PPARGC1B: variants seen among roughly 807,000 people sequenced by gnomAD.
PPARGC1B encodes the protein PPARG coactivator 1 beta, also known as peroxisome proliferator-activated receptor gamma coactivator 1-beta.
PPARGC1B carries 34 observed loss-of-function variants against 101.6 expected under a neutral mutation model. The ratio of observed to expected loss-of-function variants is 0.33; its 90% CI spans 0.25 to 0.45. PPARGC1B has a LOEUF of 0.45. PPARGC1B is among the 20% of genes least tolerant of loss of function. PPARGC1B has a pLI of 1.00. For missense variants in PPARGC1B, 1,234 were observed against 1,317.6 expected (o/e 0.94, Z 0.98); for synonymous variants, 548 against 539.3 (o/e 1.02, Z -0.22).
chr5:149,774,837 G>A (rs1473229896), intron 1 of PPARGC1B, among the ~76,000 whole-genome samples: 1 of 152,086 alleles, frequency 6.6e-6, no homozygotes, highest in Non-Finnish European at 1.5e-5. Context: ...CCACTCATGG[G>A]AGTCATGGAG....
chr5:149,845,656 G>C, intron 10 of PPARGC1B, 104 bp from the exon 11 acceptor site: 4 of 1,205,980 alleles, frequency 3.3e-6, no homozygotes, highest in Non-Finnish European at 4.7e-6. Context: ...CGTGATGTGG[G>C]TATCGAATCA....
chr5:149,848,177 G>C lies in PPARGC1B; in HGVS notation c.*619G>C, dbSNP rs889181250. ...GCTAGGCTGGTCTGCAGGAAAGCGC[G>C]GCCTGCCGTTTCCGGGCCGTATCTG... On this transcript the variant is annotated 3_prime_UTR_variant, in exon 12 of 12. Transcript: ENST00000309241. 9.8e-5 allele frequency: 15 copies of C among 152,686 alleles called. No homozygotes were observed. Among genetic ancestry groups the C allele is most frequent in the African/African-American group, 3.4e-4 (14 of 41,442 alleles). The allele number at this position is 152,686 out of a possible 1,614,324, so 9.5% of individuals were successfully genotyped here. A position where few individuals can be genotyped will look rare whatever the true frequency, so the allele number is the denominator to read the frequency against.
intron 1 of PPARGC1B, among the ~76,000 whole-genome samples, chr5:149,736,123 C>T (rs1277433956): frequency 6.6e-6 from 1 of 152,176 alleles, no homozygotes; most frequent in African/African-American, 2.4e-5. Context: ...GCCTAGGCAA[C>T]AGAGTGAGAC....
intron 2 of PPARGC1B, 85 bp downstream of exon 2, chr5:149,820,691 C>T: frequency 7.5e-7 from 1 of 1,339,122 alleles, no homozygotes; most frequent in African/African-American, 1.4e-5. Flanking sequence ...TCTGCCTTCT[C>T]CTGCACTTGC....
chr5:149,731,537 C>CG (rs1754467747), intron 1 of PPARGC1B, among the ~76,000 whole-genome samples: 1 of 135,386 alleles, frequency 7.4e-6, no homozygotes, highest in African/African-American at 2.7e-5. Context: ...GCGCGGCTCG[C>CG]GGGGGCTGGT....
intron 1 of PPARGC1B, among the ~76,000 whole-genome samples, chr5:149,738,606 C>G (rs909936353): frequency 4.8e-5 from 7 of 145,822 alleles, no homozygotes; most frequent in Non-Finnish European, 9.2e-5. Flanking sequence ...CTCTGGAAAG[C>G]ATTTTTTTTT....
At chr5:149,766,767 T>G (rs1721481415) in intron 1 of PPARGC1B, among the ~76,000 whole-genome samples, 1 of 152,210 alleles carries the variant, frequency 6.6e-6, no homozygotes, top group African/African-American at 2.4e-5. Context: ...GGGGTGATTA[T>G]TAAATTATCT....
intron 3 of PPARGC1B, among the ~76,000 whole-genome samples, chr5:149,827,909 G>T (rs1561598829): frequency 6.6e-6 from 1 of 152,170 alleles, no homozygotes; most frequent in Non-Finnish European, 1.5e-5. Flanking sequence ...CCTGTCTTGG[G>T]CCCCTCCCTT....
intron 1 of PPARGC1B, among the ~76,000 whole-genome samples, chr5:149,784,570 T>TTTTTTTTTC (rs1432470264): frequency 2.3e-4 from 33 of 141,364 alleles, no homozygotes; most frequent in African/African-American, 7.5e-4. Context: ...CTTTTTTTTT[T>TTTTTTTTTC]TTTTTTTTTT....
intron 1 of PPARGC1B, among the ~76,000 whole-genome samples, chr5:149,763,243 C>T (rs894822094): frequency 2.6e-4 from 40 of 152,234 alleles, no homozygotes; most frequent in Admixed American, 2.4e-3. Flanking sequence ...GGAGCTTCAT[C>T]GTGGCCCCAG....
chr5:149,781,472 C>T (rs1756596612), intron 1 of PPARGC1B, among the ~76,000 whole-genome samples: 1 of 152,242 alleles, frequency 6.6e-6, no homozygotes, highest in Non-Finnish European at 1.5e-5. Flanking sequence ...GAATTCCTGT[C>T]TGCCTCTCAG....
rs1157309910 is a variant in PPARGC1B at position 149,830,825 on chromosome 5, A to C, written c.524A>C (p.Glu175Ala). 2 of 1,614,168 alleles carry C rather than the reference A, an allele frequency of 1.2e-6. No individual in the cohort carries two copies. Among genetic ancestry groups the C allele is most frequent in the South Asian group, 1.1e-5 (1 of 91,074 alleles). ...ACATCAAGCTCTGACACCCAGAAGG[A>C]AGGGACCGCCTGGCGCCAGGCAGGC... ...YPTSSSDTQK[E>A]GTAWRQAGLR... The change falls in exon 4 of 12, where the codon GAA becomes GCA. Residue 175 changes from glutamate to alanine, a missense_variant. Physicochemically the swap from Glu to Ala is moderately radical, Grantham distance 107 (BLOSUM62 -1). Coordinates refer to ENST00000309241, the MANE Select transcript of PPARGC1B (RefSeq NM_133263.4).
chr5:149,835,484 C>T (rs1759015673), intron 7 of PPARGC1B, 119 bp downstream of exon 7: 2 of 866,440 alleles, frequency 2.3e-6, no homozygotes, highest in Non-Finnish European at 3.8e-6. Flanking sequence ...TGCCTGCCTT[C>T]ACGGGGCTTA....
chr5:149,817,837 T>C (rs1192583569), intron 1 of PPARGC1B: 2 of 456,636 alleles, frequency 4.4e-6, no homozygotes, highest in Non-Finnish European at 8.8e-6. Flanking sequence ...CACACATGCT[T>C]ACCATATGGC....
chr5:149,799,690 GTTGTT>G (rs1325212415), intron 1 of PPARGC1B, among the ~76,000 whole-genome samples: 1,834 of 64,916 alleles, frequency 0.028, 42 homozygotes, highest in African/African-American at 0.095. Context: ...TTTGCTTGTT[GTTGTT>G]TTTTTTTTTT....
rs1759829337 is a variant in PPARGC1B, at chr5:149,853,180, C to T, written c.*5622C>T. 1 of 152,278 alleles carries T rather than the reference C, an allele frequency of 6.6e-6. No homozygotes were observed. The highest frequency in any genetic ancestry group is 1.5e-5 in the Non-Finnish European group (1 of 68,024). 9.4% of individuals were successfully genotyped at this position (152,278 alleles called of 1,614,324 possible). A position where few individuals can be genotyped will look rare whatever the true frequency, so the allele number is the denominator to read the frequency against. On this transcript the variant is annotated 3_prime_UTR_variant, in exon 12 of 12. Coordinates refer to ENST00000309241, the MANE Select transcript of PPARGC1B (RefSeq NM_133263.4). The surrounding 1 kb of genome is among the most constrained non-coding windows in gnomAD (Gnocchi z 4.2). The stretch of plus-strand genomic sequence containing the variant: ...GGTCAGTTTCCACCTCAGCACTTTG[C>T]CTTATCAACATGCGGTCGCCATCTA...
intron 1 of PPARGC1B, among the ~76,000 whole-genome samples, chr5:149,754,318 C>G (rs1237208636): frequency 6.6e-6 from 1 of 152,122 alleles, no homozygotes; most frequent in South Asian, 2.1e-4. Context: ...TGCGTGCCCC[C>G]CTCCCCTGGC....
intron 1 of PPARGC1B, among the ~76,000 whole-genome samples, chr5:149,799,695 T>TTTTTG (rs1757366627): frequency 1.8e-5 from 2 of 110,414 alleles, no homozygotes; most frequent in African/African-American, 9.5e-5. Context: ...TTGTTGTTGT[T>TTTTTG]TTTTTTTTTT....
chr5:149,749,817 T>C (rs936940549), intron 1 of PPARGC1B, among the ~76,000 whole-genome samples: 1 of 152,168 alleles, frequency 6.6e-6, no homozygotes, highest in Admixed American at 6.5e-5. Flanking sequence ...TCATTATCTT[T>C]CTAAACGTGA....
Sources: gnomAD v4.1 joint callset for allele counts (sites outside exome capture counted in the v4.1 genomes callset) on GRCh38, gnomAD v4.1.1 for gene constraint, Gnocchi (gnomAD v3.1) non-coding constraint, MANE v1.5 for transcripts, NCBI Gene and HGNC (gene_info 2026-07-23, HGNC 2026-07-21) for gene names.